Variants in DCC observed in about 807,000 individuals in gnomAD.
DCC encodes DCC netrin 1 receptor, also known as netrin receptor DCC.
A neutral mutation model predicts 172.5 loss-of-function variants in DCC; 58 were observed. The observed-to-expected ratio is 0.34, with a 90% confidence interval of 0.27 to 0.42. The LOEUF is 0.42. Ranked by LOEUF, DCC falls within the 10% of genes least tolerant of loss-of-function variation. The pLI is 1.00. For synonymous variants in DCC, 709 were observed against 644.5 expected, an observed-to-expected ratio of 1.10 and a Z score of -1.52; for missense variants, 1,740 against 1,791.0, an observed-to-expected ratio of 0.97 and a Z score of 0.51.
chr18:53,129,426 T>C (rs2043618767), intron 7 of DCC, among the ~76,000 whole-genome samples: 1 of 152,028 alleles, frequency 6.6e-6, no homozygotes, highest in East Asian at 1.9e-4. Flanking sequence ...AAATAAGACA[T>C]AGGGCATTTT....
At chr18:52,497,398 T>TATGTGTATATATGTATACACACATATAC (rs2030840522) in intron 1 of DCC, among the ~76,000 whole-genome samples, 1 of 136,552 alleles carries the variant, frequency 7.3e-6, no homozygotes, top group Admixed American at 7.5e-5. Context: ...CACATATACA[T>TATGTGTATATATGTATACACACATATAC]ATGTGTATAT....
chr18:53,117,775 A>T (rs1440401857), intron 7 of DCC, among the ~76,000 whole-genome samples: 1 of 151,740 alleles, frequency 6.6e-6, no homozygotes, highest in African/African-American at 2.4e-5. Flanking sequence ...TTTTCAGGCA[A>T]ATGCAGCCAC....
intron 26 of DCC, among the ~76,000 whole-genome samples, chr18:53,495,924 G>A (rs2046017131): frequency 6.6e-6 from 1 of 152,062 alleles, no homozygotes; most frequent in Admixed American, 6.6e-5. Context: ...TCTCTGGGCA[G>A]GGCATCTCTG....
At chr18:53,293,904 A>G (rs1050542588) in intron 12 of DCC, among the ~76,000 whole-genome samples, 1 of 152,152 alleles carries the variant, frequency 6.6e-6, no homozygotes, top group Non-Finnish European at 1.5e-5. Context: ...ATTAGTCTCC[A>G]CTGGGCTTCC....
chr18:52,967,534 A>T (rs185311270), intron 5 of DCC, among the ~76,000 whole-genome samples: 1 of 152,294 alleles, frequency 6.6e-6, no homozygotes, highest in East Asian at 1.9e-4. Context: ...AGGAATTTGC[A>T]CCATTCTAAG....
At chr18:52,459,625 G>A (rs1228075107) in intron 1 of DCC, among the ~76,000 whole-genome samples, 1 of 151,812 alleles carries the variant, frequency 6.6e-6, no homozygotes, top group African/African-American at 2.4e-5. Flanking sequence ...CCGCCACCAC[G>A]CCCGGCTAAT....
chr18:52,958,733 G>A (rs9957173), intron 5 of DCC, among the ~76,000 whole-genome samples: 63,791 of 151,816 alleles, frequency 0.42, 13,909 homozygotes, highest in Middle Eastern at 0.51. Context: ...ATGAGGAGGT[G>A]ATATACTCAG....
intron 7 of DCC, among the ~76,000 whole-genome samples, chr18:53,131,953 ATTTTTTTTTTTTT>A (rs71175556): frequency 1.7e-4 from 10 of 58,260 alleles, no homozygotes; most frequent in Admixed American, 8.7e-4. Context: ...TCTCTAAGTG[ATTTTTTTTTTTTT>A]TTTTTTTTTT....
intron 1 of DCC, among the ~76,000 whole-genome samples, chr18:52,422,443 G>A (rs1001808243): frequency 6.6e-5 from 10 of 152,140 alleles, no homozygotes; most frequent in African/African-American, 1.9e-4. Context: ...ATGGCCCAGA[G>A]AAGAGCCTGT....
At chr18:53,142,556 T>A (rs1193225424) in intron 7 of DCC, among the ~76,000 whole-genome samples, 1 of 152,200 alleles carries the variant, frequency 6.6e-6, no homozygotes, top group East Asian at 1.9e-4. Context: ...AGCGCTGATC[T>A]TTAACTATAA....
At position 53,514,797 on chromosome 18, in the gene DCC, G is replaced by A. The variant is rs1411515474; in HGVS notation, c.4112-11820G>A. 2.0e-5 allele frequency among the ~76,000 whole-genome samples: 3 copies of A among 151,932 alleles called. No individual in the cohort carries two copies. The East Asian group carries it at 5.8e-4, about 29-fold the overall frequency. ...ACCAATAACAGGATCTGAAATTGTGGCAATAATCAATAGCTTACCAACCAA... is the reference window on the plus strand; with the variant it reads ...ACCAATAACAGGATCTGAAATTGTGACAATAATCAATAGCTTACCAACCAA... On this transcript the variant is annotated intron_variant, in intron 27 of 28. Coordinates refer to ENST00000442544, the MANE Select transcript of DCC (RefSeq NM_005215.4).
chr18:53,066,944 G>C (rs1204331209), intron 7 of DCC, among the ~76,000 whole-genome samples: 1 of 151,994 alleles, frequency 6.6e-6, no homozygotes, highest in Non-Finnish European at 1.5e-5. Context: ...CAGAGAAAGA[G>C]GGGGAAGTGC....
At chr18:53,226,802 C>T (rs2056035656) in intron 12 of DCC, among the ~76,000 whole-genome samples, 1 of 150,986 alleles carries the variant, frequency 6.6e-6, no homozygotes, top group South Asian at 2.1e-4. Context: ...AAATGCAAGT[C>T]ATAAAACTGA....
Position 52,492,744 on chromosome 18 carries a change from A to T in DCC, c.91+151866A>T, listed in dbSNP as rs542644449. Among the ~76,000 whole-genome samples the T allele has an allele frequency of 1.3e-3, 191 of 152,036 alleles. 1 individual carries two copies. Among genetic ancestry groups the T allele is most frequent in the Non-Finnish European group, 1.8e-3 (125 of 67,976 alleles). Reference sequence around the variant, plus strand: ...GCAGTGTGTGTGATTTTTCTCCAGAAATGTTCAGCTACTCAGGTGAGACTC... The same window carrying T: ...GCAGTGTGTGTGATTTTTCTCCAGATATGTTCAGCTACTCAGGTGAGACTC... On this transcript the variant is annotated intron_variant, in intron 1 of 28. Transcript: ENST00000442544.
intron 2 of DCC, among the ~76,000 whole-genome samples, chr18:52,878,309 A>G (rs1342630279): frequency 1.3e-5 from 2 of 152,126 alleles, no homozygotes; most frequent in Admixed American, 1.3e-4. Context: ...CCCAACCCAT[A>G]AGAATCACTC....
intron 8 of DCC, among the ~76,000 whole-genome samples, chr18:53,162,571 G>T (rs555736940): frequency 6.6e-6 from 1 of 152,072 alleles, no homozygotes; most frequent in African/African-American, 2.4e-5. Context: ...ACCTCATCAC[G>T]TAGCACTTTC....
chr18:53,376,356 C>T (rs899035729), intron 15 of DCC, among the ~76,000 whole-genome samples: 5 of 151,988 alleles, frequency 3.3e-5, no homozygotes, highest in African/African-American at 9.7e-5. Flanking sequence ...TGAACTCTAG[C>T]CCCGGCGAGT....
intron 5 of DCC, among the ~76,000 whole-genome samples, chr18:52,991,434 G>C (rs908296156): frequency 6.6e-6 from 1 of 152,188 alleles, no homozygotes; most frequent in African/African-American, 2.4e-5. Context: ...AGTAAATAAA[G>C]TGTGAGTAAT....
Position 52,940,687 on chromosome 18 carries a change from TATA to T in DCC, c.985+15321_985+15323del, listed in dbSNP as rs531812521. On this transcript the variant is annotated intron_variant, in intron 5 of 28. Coordinates refer to ENST00000442544, the MANE Select transcript of DCC (RefSeq NM_005215.4). Reference sequence around the variant, plus strand: ...GTGTAATTTAATATATCTAGGGAAATATAATACAAACTATGCTGATATGATGAT... The same window carrying T: ...GTGTAATTTAATATATCTAGGGAAATATACAAACTATGCTGATATGATGAT... Among the ~76,000 whole-genome samples the T allele has an allele frequency of 1.3e-3, 199 of 152,272 alleles. 1 individual carries two copies. The highest frequency in any genetic ancestry group is 4.5e-3 in the African/African-American group (186 of 41,572).
Sources: allele counts gnomAD v4.1 joint callset (sites outside exome capture counted in the v4.1 genomes callset), GRCh38; gene constraint gnomAD v4.1.1; transcripts MANE v1.5; gene names NCBI Gene and HGNC (gene_info 2026-07-23, HGNC 2026-07-21).